The following HADHA variants were observed in gnomAD, a reference collection of about 807,000 sequenced individuals.
HADHA encodes the protein hydroxyacyl-CoA dehydrogenase trifunctional multienzyme complex subunit alpha, also known as trifunctional enzyme subunit alpha, mitochondrial.
In HADHA, 59 loss-of-function variants were observed where a neutral mutation model predicts 91.3. The observed-to-expected ratio is 0.65, with a 90% confidence interval of 0.52 to 0.80. The LOEUF is 0.80. Ranked by LOEUF, HADHA falls within the 30% of genes least tolerant of loss-of-function variation. The pLI, the probability that HADHA is intolerant of heterozygous loss-of-function variation, is 0.00. For synonymous variants in HADHA, 320 were observed against 338.9 expected, an observed-to-expected ratio of 0.94 and a Z score of 0.61; for missense variants, 800 against 927.6, an observed-to-expected ratio of 0.86 and a Z score of 1.79.
At position 26,229,345 on chromosome 2, in the gene HADHA, C is replaced by T. The variant is rs575008539; in HGVS notation, c.676+847G>A. Among the ~76,000 whole-genome samples the T allele has an allele frequency of 3.0e-3, 307 of 102,558 alleles. 1 individual carries two copies. Among genetic ancestry groups the T allele is most frequent in the African/African-American group, 6.9e-3 (159 of 23,104 alleles). The allele number at this position is 102,558 out of a possible 152,430, so 67.3% of individuals were successfully genotyped here. A position where few individuals can be genotyped will look rare whatever the true frequency, so the allele number is the denominator to read the frequency against. ...AGAGTGAGACCCCAACATGTGTGCG[C>T]GCGCACACACACACACACACACACA... On this transcript the variant is annotated intron_variant, in intron 7 of 19. Transcript: ENST00000380649. This position sits in a 1 kb window ranked among gnomAD's most constrained non-coding sequence, Gnocchi z 4.3.
In HADHA at chr2:26,214,467, A is replaced by G; in HGVS notation, c.894T>C (p.Tyr298=). 1 of 1,562,364 alleles carries G rather than the reference A, an allele frequency of 6.4e-7. No individual in the cohort carries two copies. Among genetic ancestry groups the G allele is most frequent in the Non-Finnish European group, 8.8e-7 (1 of 1,134,544 alleles). The change falls in exon 9 of 20, where the codon TAT becomes TAC. Residue 298 remains tyrosine, a synonymous_variant. Coordinates refer to ENST00000380649, the MANE Select transcript of HADHA (RefSeq NM_000182.5). This position sits in a 1 kb window ranked among gnomAD's most constrained non-coding sequence, Gnocchi z 4.1. ...CATCAATTATTTTCAGAGGTGCAGG[A>G]TAAAGGCCTTTAGTCTGCTTTCGCA... ...EKVRKQTKGL[Y]PAPLKIIDVV... is the part of the protein sequence containing the mutation.
Position 26,195,247 on chromosome 2 carries a change from CA to C in HADHA, c.1480-16del. ...ATGCCAATCACCTGGCAAGGGGAAC[CA>C]AAAGCCAACAGATCGGAGAATGCGG... is the stretch of plus-strand genomic sequence containing the variant. On this transcript the variant is annotated splice_polypyrimidine_tract_variant and intron_variant, in intron 14 of 19. Coordinates refer to ENST00000380649, the MANE Select transcript of HADHA (RefSeq NM_000182.5). 6.2e-7 allele frequency: 1 copy of C among 1,608,520 alleles called. No individual in the cohort carries two copies. The highest frequency in any genetic ancestry group is 8.5e-7 in the Non-Finnish European group (1 of 1,174,994).
In HADHA at chr2:26,215,093, A is replaced by G. The variant is rs780971801; in HGVS notation, c.759T>C (p.Asp253=). ...TGTCTCTCTTTGGAGAGATCTTCTTATCAGCTAGTCCTTTGGCAAAAGTAA... is the reference window on the plus strand; with the variant it reads ...TGTCTCTCTTTGGAGAGATCTTCTTGTCAGCTAGTCCTTTGGCAAAAGTAA... ...VAITFAKGLA[D]KKISPKRDKG... The change falls in exon 8 of 20, where the codon GAT becomes GAC. Residue 253 remains aspartate, a synonymous_variant. Coordinates refer to ENST00000380649, the MANE Select transcript of HADHA (RefSeq NM_000182.5). 2 of 1,608,660 alleles carry G rather than the reference A, an allele frequency of 1.2e-6. No individual in the cohort carries two copies. The highest frequency in any genetic ancestry group is 3.3e-5 in the Admixed American group (2 of 60,020).
At position 26,229,859 on chromosome 2, in the gene HADHA, C is replaced by T. The variant is rs371900409; in HGVS notation, c.676+333G>A. 6.6e-5 allele frequency among the ~76,000 whole-genome samples: 10 copies of T among 152,150 alleles called. No individual in the cohort carries two copies. The highest frequency in any genetic ancestry group is 2.4e-4 in the African/African-American group (10 of 41,444). ...TTTTTCTTTTGAGATGGGAGTCTGG[C>T]TCTGTTGCCCAGGCTGGAGCACAAT... On this transcript the variant is annotated intron_variant, in intron 7 of 19. Coordinates refer to ENST00000380649, the MANE Select transcript of HADHA (RefSeq NM_000182.5). This position sits in a 1 kb window ranked among gnomAD's most constrained non-coding sequence, Gnocchi z 4.3.
chr2:26,197,925 C>G, intron 13 of HADHA, 148 bp from the exon 14 acceptor site: 1 of 706,138 alleles, frequency 1.4e-6, no homozygotes, highest in East Asian at 2.7e-5. Context: ...CAGACATTGA[C>G]GGATCACCTA....
chr2:26,227,906 C>T (rs1045817459), intron 7 of HADHA, among the ~76,000 whole-genome samples: 1 of 151,536 alleles, frequency 6.6e-6, no homozygotes, highest in Non-Finnish European at 1.5e-5. Flanking sequence ...ACTTCAAACT[C>T]CTGGGTTCAA....
chr2:26,203,593 G>A (rs1280271979), intron 12 of HADHA, among the ~76,000 whole-genome samples: 1 of 152,168 alleles, frequency 6.6e-6, no homozygotes, highest in African/African-American at 2.4e-5. Flanking sequence ...GAAGAGTCCT[G>A]ATCCCGGCCC....
chr2:26,192,189 C>G (rs943596411), intron 18 of HADHA, 121 bp downstream of exon 18: 1 of 667,762 alleles, frequency 1.5e-6, no homozygotes, highest in Admixed American at 2.3e-5. Context: ...ATGTAACAAA[C>G]CTGCACATGT....
chr2:26,242,275 A>G (rs1223777103), intron 1 of HADHA, among the ~76,000 whole-genome samples: 1 of 152,242 alleles, frequency 6.6e-6, no homozygotes, highest in Non-Finnish European at 1.5e-5. Flanking sequence ...TTTTACTGTG[A>G]AGGATCTATT....
chr2:26,192,896 G>A (rs1669552372), intron 17 of HADHA, among the ~76,000 whole-genome samples: 1 of 152,220 alleles, frequency 6.6e-6, no homozygotes, highest in South Asian at 2.1e-4. Context: ...AAGGAAAGAA[G>A]ATCTTGTGAC....
intron 7 of HADHA, among the ~76,000 whole-genome samples, 191 bp from the exon 8 acceptor site, chr2:26,215,366 T>C (rs1670190823): frequency 6.6e-6 from 1 of 152,198 alleles, no homozygotes; most frequent in South Asian, 2.1e-4. Flanking sequence ...AGAAACAATA[T>C]GCTCTAGGTA....
At chr2:26,236,361 A>G (rs201889541) in intron 4 of HADHA, among the ~76,000 whole-genome samples, 4,720 of 107,810 alleles carry the variant, frequency 0.044, 190 homozygotes, top group African/African-American at 0.11. Flanking sequence ...GTGTGTGTGT[A>G]TATATATATA....
Position 26,236,811 on chromosome 2 carries a change from T to C in HADHA, c.314+44A>G, listed in dbSNP as rs374917592. 2.0e-6 allele frequency: 3 copies of C among 1,490,928 alleles called. No homozygotes were observed. In the African/African-American group the frequency reaches 4.1e-5, roughly 21 times the overall value. The allele number at this position is 1,490,928 out of a possible 1,614,324, so 92.4% of individuals were successfully genotyped here. On this transcript the variant is annotated intron_variant, in intron 4 of 19. Coordinates refer to ENST00000380649, the MANE Select transcript of HADHA (RefSeq NM_000182.5). The stretch of plus-strand genomic sequence containing the variant: ...AAATTATTAGGCCTAAGAAACACAC[T>C]ATTAACCAAGATAAAAGGTGACTTC...
At position 26,195,205 on chromosome 2, in the gene HADHA, C is replaced by A. The variant is rs138386385; in HGVS notation, c.1507G>T (p.Val503Leu). The change falls in exon 15 of 20, where the codon GTG (valine) becomes TTG (leucine). Residue 503 changes from valine to leucine, a missense_variant. Transcript: ENST00000380649. ...ATCTCCAGCAGCTGCATCTTGTCCA[C>A]GGGAGAGAAGTAGTGCATGCCAATC... ...KVIGMHYFSP[V>L]DKMQLLEIIT... 6.2e-7 allele frequency: 1 copy of A among 1,612,786 alleles called. No homozygotes were observed. Among genetic ancestry groups the A allele is most frequent in the African/African-American group, 1.3e-5 (1 of 74,812 alleles).
At chr2:26,213,529 T>G (rs1392999453) in intron 9 of HADHA, among the ~76,000 whole-genome samples, 1 of 152,206 alleles carries the variant, frequency 6.6e-6, no homozygotes, top group Admixed American at 6.5e-5. Context: ...GAGCTTGTTT[T>G]CCAGCTTCCA....
chr2:26,204,040 CAA>C lies in HADHA; in HGVS notation c.1220+20_1220+21del, dbSNP rs1669916051. The C allele has an allele frequency of 6.2e-7, 1 of 1,611,860 alleles. No individual in the cohort carries two copies. The highest frequency in any genetic ancestry group is 8.5e-7 in the Non-Finnish European group (1 of 1,178,050). ...GAAACAAAGGACATTCTAACTCTTGCAAAGAGAGAGAGCAGGCTTACCCTTTG... is the reference window on the plus strand; with the variant it reads ...GAAACAAAGGACATTCTAACTCTTGCAGAGAGAGAGCAGGCTTACCCTTTG... On this transcript the variant is annotated intron_variant, in intron 12 of 19. Coordinates refer to ENST00000380649, the MANE Select transcript of HADHA (RefSeq NM_000182.5).
At chr2:26,193,027 C>T (rs1455543317) in intron 17 of HADHA, among the ~76,000 whole-genome samples, 2 of 152,036 alleles carry the variant, frequency 1.3e-5, no homozygotes, top group Non-Finnish European at 2.9e-5. Context: ...GCTGTTTTGC[C>T]AAGACAGAAA....
intron 5 of HADHA, among the ~76,000 whole-genome samples, chr2:26,233,363 C>T (rs898520125): frequency 7.2e-5 from 11 of 152,222 alleles, no homozygotes; most frequent in Non-Finnish European, 1.3e-4. Context: ...AGAACCACTG[C>T]TGTATGTGCA....
At chr2:26,204,462 A>G (rs574919175) in intron 11 of HADHA, among the ~76,000 whole-genome samples, 98 of 152,360 alleles carry the variant, frequency 6.4e-4, no homozygotes, top group African/African-American at 2.4e-3. Context: ...AATCACTGAA[A>G]TCAAAACAAC....
Sources: allele counts gnomAD v4.1 joint callset (sites outside exome capture counted in the v4.1 genomes callset), GRCh38; gene constraint gnomAD v4.1.1; non-coding constraint Gnocchi (gnomAD v3.1); transcripts MANE v1.5; gene names NCBI Gene and HGNC (gene_info 2026-07-23, HGNC 2026-07-21).